The following PAFAH2 variants were observed in gnomAD, a reference collection of about 807,000 sequenced individuals.
PAFAH2 encodes platelet-activating factor acetylhydrolase 2, cytoplasmic.
In PAFAH2, 42 loss-of-function variants were observed where a neutral mutation model predicts 49.0. The observed-to-expected ratio is 0.86, with a 90% CI of 0.67 to 1.11. The LOEUF is 1.11. Among genes scored for constraint, PAFAH2 ranks in the 50% least tolerant of loss-of-function variants. The probability of loss-of-function intolerance (pLI) is 0.00; values close to 1 mark genes in which losing one functional copy is unlikely to be tolerated. For missense variants in PAFAH2, 503 were observed against 501.8 expected (o/e 1.00, Z -0.02); for synonymous variants, 184 against 181.3 (o/e 1.01, Z -0.12).
rs1197916634 is a variant in PAFAH2, at chr1:25,968,329, G to A, written c.1084+4229C>T. 3.9e-5 allele frequency among the ~76,000 whole-genome samples: 6 copies of A among 152,160 alleles called. No individual in the cohort carries two copies. In the South Asian group the frequency reaches 1.2e-3, roughly 31 times the overall value. ...CGAAAGGAAAGCTGATTATACACAG[G>A]AAGGTGGGGAGAGGTGGTGTTGGGA... On this transcript the variant is annotated intron_variant, in intron 10 of 10. Coordinates refer to ENST00000374282, the MANE Select transcript of PAFAH2 (RefSeq NM_000437.4).
rs1183570881 is a variant in PAFAH2, at chr1:25,983,948, G to C, written c.550C>G (p.Gln184Glu). ...GEKEFHVRNPQVHQRVSECLR... is the reference protein window; with the variant it reads ...GEKEFHVRNPEVHQRVSECLR... ...CTCCCCAACTGGCACAAACTTACCT[G>C]GGGATTCCGAACATGAAATTCCTTC... The change falls in exon 6 of 11, where the codon CAG becomes GAG. Residue 184 changes from glutamine to glutamate, a missense_variant and splice_region_variant. By Grantham distance (29) the Gln-to-Glu change is conservative (BLOSUM62 2). Coordinates refer to ENST00000374282, the MANE Select transcript of PAFAH2 (RefSeq NM_000437.4). The C allele has an allele frequency of 4.3e-6, 7 of 1,614,058 alleles. No homozygotes were observed. Among genetic ancestry groups the C allele is most frequent in the Non-Finnish European group, 5.9e-6 (7 of 1,179,982 alleles).
chr1:25,964,793 C>T (rs2049395892), intron 10 of PAFAH2, among the ~76,000 whole-genome samples: 2 of 152,046 alleles, frequency 1.3e-5, no homozygotes, highest in Non-Finnish European at 2.9e-5. Context: ...AAAAACATCC[C>T]ACACTCATGG....
intron 10 of PAFAH2, among the ~76,000 whole-genome samples, chr1:25,967,678 G>A (rs1490866118): frequency 6.6e-6 from 1 of 152,216 alleles, no homozygotes; most frequent in Non-Finnish European, 1.5e-5. Flanking sequence ...CAAAAGCCTG[G>A]AGTGGGTTAA....
At position 25,974,643 on chromosome 1, in the gene PAFAH2, C is replaced by T; in HGVS notation, c.766G>A (p.Val256Met). Reference sequence around the variant, plus strand: ...GGAAACATCCAAGCATCCAGAGCCACCGCACACCTGGAATAGGACCAGACA... The same window carrying T: ...GGAAACATCCAAGCATCCAGAGCCATCGCACACCTGGAATAGGACCAGACA... ...LAKETQFRCA[V>M]ALDAWMFPLE... The change falls in exon 9 of 11, where the codon GTG becomes ATG. Residue 256 changes from valine (V) to methionine (M), a missense_variant. Transcript: ENST00000374282. The T allele has an allele frequency of 6.2e-7, 1 of 1,612,996 alleles. No homozygotes were observed. The highest frequency in any genetic ancestry group is 2.2e-5 in the East Asian group (1 of 44,784).
chr1:25,978,838 T>G (rs182196245), intron 7 of PAFAH2, among the ~76,000 whole-genome samples: 121 of 152,350 alleles, frequency 7.9e-4, no homozygotes, highest in Non-Finnish European at 1.5e-3. Flanking sequence ...GTTAAGCCAC[T>G]GAAATGTGGC....
chr1:25,992,464 C>T (rs1256655471), intron 1 of PAFAH2, among the ~76,000 whole-genome samples: 1 of 152,200 alleles, frequency 6.6e-6, no homozygotes, highest in African/African-American at 2.4e-5. Context: ...TAAACTGGTG[C>T]CAGTGCTCCC....
chr1:25,982,269 C>A, intron 7 of PAFAH2, 95 bp downstream of exon 7: 1 of 875,108 alleles, frequency 1.1e-6, no homozygotes, highest in Non-Finnish European at 1.9e-6. Flanking sequence ...CCAATCAATT[C>A]TCTTTTGGTT....
intron 3 of PAFAH2, among the ~76,000 whole-genome samples, chr1:25,988,656 A>G (rs2049822804): frequency 6.6e-6 from 1 of 151,868 alleles, no homozygotes; most frequent in Non-Finnish European, 1.5e-5. Flanking sequence ...TACAAAAATT[A>G]GCTGGGCGTG....
chr1:25,974,332 T>C, intron 9 of PAFAH2, 148 bp downstream of exon 9: 1 of 542,018 alleles, frequency 1.8e-6, no homozygotes, highest in Non-Finnish European at 3.1e-6. Flanking sequence ...AGACAGAAAA[T>C]TCTAAAAGAA....
intron 10 of PAFAH2, among the ~76,000 whole-genome samples, chr1:25,965,971 T>G (rs894369636): frequency 2.0e-5 from 3 of 149,754 alleles, no homozygotes; most frequent in Non-Finnish European, 4.4e-5. Flanking sequence ...TGAATAGACA[T>G]TTTTTTCAAA....
At chr1:25,975,293 T>G (rs977415453) in intron 8 of PAFAH2, among the ~76,000 whole-genome samples, 1 of 152,092 alleles carries the variant, frequency 6.6e-6, no homozygotes. Flanking sequence ...ATGAAAAACC[T>G]TGGGCTGGGC....
chr1:25,984,350 A>T, intron 5 of PAFAH2, 110 bp downstream of exon 5: 1 of 861,166 alleles, frequency 1.2e-6, no homozygotes, highest in Non-Finnish European at 1.8e-6. Flanking sequence ...AAAGTGGTAT[A>T]ATGCTGGCTT....
intron 1 of PAFAH2, among the ~76,000 whole-genome samples, chr1:25,994,696 C>G (rs2049916299): frequency 2.0e-5 from 3 of 152,028 alleles, no homozygotes; most frequent in Non-Finnish European, 2.9e-5. Context: ...GATTGGGGAA[C>G]CAGGACAATA....
intron 3 of PAFAH2, 52 bp from the exon 4 acceptor site, chr1:25,988,379 C>G: frequency 7.3e-7 from 1 of 1,368,752 alleles, no homozygotes; most frequent in Non-Finnish European, 1.0e-6. Flanking sequence ...GCTGTTATCC[C>G]AAGGGCAGCC....
intron 3 of PAFAH2, among the ~76,000 whole-genome samples, chr1:25,988,684 T>A (rs530260183): frequency 1.7e-4 from 26 of 151,420 alleles, no homozygotes; most frequent in Middle Eastern, 6.8e-3. Flanking sequence ...GCTCCTATAA[T>A]CCCAGCTACT....
In PAFAH2 at chr1:25,960,809, CT is replaced by C. The variant is rs35739814; in HGVS notation, c.*1179del. 110,667 of 143,496 alleles carry C rather than the reference CT, an allele frequency of 0.77. 43,365 individuals carry two copies. The highest frequency in any genetic ancestry group is 0.89 in the East Asian group (4,419 of 4,950). The allele number at this position is 143,496 out of a possible 1,614,324, so 8.9% of individuals were successfully genotyped here. A position where few individuals can be genotyped will look rare whatever the true frequency, so the allele number is the denominator to read the frequency against. ...TTATTTATTTTAAATTTTTCTTTTT[CT>C]TTTTTTTTTTTTTAAGACAGAGTCT... On this transcript the variant is annotated 3_prime_UTR_variant, in exon 11 of 11. Transcript: ENST00000374282.
intron 2 of PAFAH2, 45 bp from the exon 3 acceptor site, chr1:25,989,646 C>A: frequency 7.1e-7 from 1 of 1,402,026 alleles, no homozygotes; most frequent in Non-Finnish European, 9.4e-7. Flanking sequence ...GGAGCCCAGG[C>A]TAGATTTCCC....
intron 10 of PAFAH2, among the ~76,000 whole-genome samples, chr1:25,964,576 G>T (rs1030971954): frequency 2.0e-5 from 3 of 151,996 alleles, no homozygotes; most frequent in African/African-American, 7.2e-5. Context: ...AAAAATATCA[G>T]TAGCATTTCT....
At chr1:25,983,486 GA>G (rs1453505037) in intron 6 of PAFAH2, among the ~76,000 whole-genome samples, 1 of 150,560 alleles carries the variant, frequency 6.6e-6, no homozygotes, top group Non-Finnish European at 1.5e-5. Context: ...GAGCCCAGAA[GA>G]TTGAGACTGC....
Sources: gnomAD v4.1 joint callset for allele counts (sites outside exome capture counted in the v4.1 genomes callset) on GRCh38, gnomAD v4.1.1 for gene constraint, MANE v1.5 for transcripts, NCBI Gene and HGNC (gene_info 2026-07-23, HGNC 2026-07-21) for gene names.